The following HNF1A variants were observed in gnomAD, a reference collection of about 807,000 sequenced individuals.
HNF1A encodes the protein HNF1 homeobox A.
Under a neutral mutation model 62.2 loss-of-function variants are expected in HNF1A, and 21 were observed. That is an observed-to-expected ratio of 0.34 (90% CI 0.24 to 0.49). The LOEUF is 0.49. HNF1A is among the 20% of genes least tolerant of loss of function. HNF1A has a pLI of 0.99. For missense variants in HNF1A, 687 were observed against 832.3 expected (o/e 0.83, Z 2.15); for synonymous variants, 374 against 366.8 (o/e 1.02, Z -0.22).
intron 1 of HNF1A, among the ~76,000 whole-genome samples, chr12:120,980,101 T>C (rs1167697622): frequency 3.3e-5 from 5 of 152,192 alleles, no homozygotes; most frequent in African/African-American, 1.2e-4. Flanking sequence ...TTCACAGGAA[T>C]AATTTCCCTT....
chr12:120,986,166 G>A (rs774065080), intron 1 of HNF1A, among the ~76,000 whole-genome samples: 5 of 152,158 alleles, frequency 3.3e-5, no homozygotes, highest in African/African-American at 7.2e-5. Context: ...TATTTTACAC[G>A]TGCACAAATA....
At chr12:120,990,038 C>T (rs2135834128) in intron 2 of HNF1A, among the ~76,000 whole-genome samples, 2 of 152,320 alleles carry the variant, frequency 1.3e-5, no homozygotes, top group South Asian at 4.1e-4. Context: ...CTCCAGGCCT[C>T]ATACCCCACC....
chr12:120,990,652 G>GGAGGAAAGGGAGGAAAGA (rs1471922681), intron 2 of HNF1A, among the ~76,000 whole-genome samples: 4 of 96,520 alleles, frequency 4.1e-5, no homozygotes, highest in South Asian at 3.2e-4. Context: ...GGGAGGAAAG[G>GGAGGAAAGGGAGGAAAGA]TAGGAAAGGG....
intron 1 of HNF1A, among the ~76,000 whole-genome samples, chr12:120,985,029 C>G (rs556944860): frequency 6.6e-6 from 1 of 151,692 alleles, no homozygotes; most frequent in Non-Finnish European, 1.5e-5. Context: ...CATTGCAGCC[C>G]CGACCTCTCG....
intron 7 of HNF1A, 136 bp from the exon 8 acceptor site, chr12:120,999,132 T>C: frequency 9.4e-7 from 1 of 1,062,988 alleles, no homozygotes; most frequent in Non-Finnish European, 1.4e-6. Context: ...GTTTTGAAAA[T>C]CAGCCCTGGA....
At chr12:120,985,553 T>G (rs1876467634) in intron 1 of HNF1A, among the ~76,000 whole-genome samples, 1 of 150,868 alleles carries the variant, frequency 6.6e-6, no homozygotes, top group Non-Finnish European at 1.5e-5. Context: ...GTGCCTGTGG[T>G]CCCAAGTACT....
At chr12:120,989,450 G>C (rs1013703900) in intron 2 of HNF1A, among the ~76,000 whole-genome samples, 1 of 152,014 alleles carries the variant, frequency 6.6e-6, no homozygotes, top group African/African-American at 2.4e-5. Context: ...GTAGAGACGG[G>C]GGTTTCACCA....
Position 120,996,843 on chromosome 12 carries a change from T to TTC in HNF1A, c.1309+101_1309+102insTC. 6.4e-7 allele frequency: 1 copy of TTC among 1,556,656 alleles called. No homozygotes were observed. Among genetic ancestry groups the TTC allele is most frequent in the Non-Finnish European group, 8.7e-7 (1 of 1,150,386 alleles). ...CCACTGGGACTCATTCATTCATTCA[T>TTC]ACAACATGTATTTATCCAGTGCCTA... On this transcript the variant is annotated intron_variant, in intron 6 of 9. Coordinates refer to ENST00000257555, the MANE Select transcript of HNF1A (RefSeq NM_000545.8). The surrounding 1 kb of genome is among the most constrained non-coding windows in gnomAD (Gnocchi z 4.5).
chr12:120,994,320 C>T lies in HNF1A; in HGVS notation c.870C>T (p.Pro290=), dbSNP rs779008957. ...KLAMDTYSGP[P]PGPGPGPALP... is the part of the protein sequence containing the mutation. ...CCATGGACACGTACAGCGGGCCCCCCCCAGGGCCAGGCCCGGGACCTGCGC... is the reference window on the plus strand; with the variant it reads ...CCATGGACACGTACAGCGGGCCCCCTCCAGGGCCAGGCCCGGGACCTGCGC... Residue 290 remains proline (P), a synonymous_variant, in exon 4 of 10, where the codon CCC becomes CCT. Coordinates refer to ENST00000257555, the MANE Select transcript of HNF1A (RefSeq NM_000545.8). 17 of 1,610,226 alleles carry T rather than the reference C, an allele frequency of 1.1e-5. No homozygotes were observed. Among genetic ancestry groups the T allele is most frequent in the South Asian group, 2.2e-5 (2 of 90,512 alleles).
rs1350337779 is a variant in HNF1A, at chr12:120,993,381, G to A, written c.527-139G>A. 3.8e-6 allele frequency: 3 copies of A among 798,726 alleles called. No individual in the cohort carries two copies. The African/African-American group carries it at 5.1e-5, about 14-fold the overall frequency. 49.5% of individuals were successfully genotyped at this position (798,726 alleles called of 1,614,324 possible). A position where few individuals can be genotyped will look rare whatever the true frequency, so the allele number is the denominator to read the frequency against. On this transcript the variant is annotated intron_variant, in intron 2 of 9. Coordinates refer to ENST00000257555, the MANE Select transcript of HNF1A (RefSeq NM_000545.8). ...CTGTGTGTTTGTCATCAGTAGATTA[G>A]ATGATTTCTAAGTTCTAGCTGTAAG...
intron 9 of HNF1A, 145 bp downstream of exon 9, chr12:120,999,772 G>A: frequency 6.2e-6 from 7 of 1,126,790 alleles, no homozygotes; most frequent in Non-Finnish European, 8.6e-6. Context: ...CAGGCGTGGA[G>A]GGGTGGGGTG....
rs370733825 is a variant in HNF1A at position 120,999,599 on chromosome 12, G to A, written c.1740G>A (p.Pro580=). 132 of 1,611,626 alleles carry A rather than the reference G, an allele frequency of 8.2e-5. No individual in the cohort carries two copies. The highest frequency in any genetic ancestry group is 9.8e-5 in the Non-Finnish European group (116 of 1,179,568). Residue 580 remains proline (P), a synonymous_variant, in exon 9 of 10, where the codon CCG becomes CCA. Coordinates refer to ENST00000257555, the MANE Select transcript of HNF1A (RefSeq NM_000545.8). ...QDPASIQHLQ[P]AHRLSASPTV... Reference sequence around the variant, plus strand: ...CTGCCAGCATCCAGCACCTGCAGCCGGCCCACCGGCTCAGCGCCAGCCCCA... The same window carrying A: ...CTGCCAGCATCCAGCACCTGCAGCCAGCCCACCGGCTCAGCGCCAGCCCCA...
chr12:120,989,117 A>C (rs573837072), intron 2 of HNF1A, 85 bp downstream of exon 2: 1 of 1,280,770 alleles, frequency 7.8e-7, no homozygotes, highest in Non-Finnish European at 1.1e-6. Flanking sequence ...AAGCTTCACC[A>C]TCCCCATTAC....
At chr12:120,989,823 A>C (rs1366803838) in intron 2 of HNF1A, among the ~76,000 whole-genome samples, 3 of 152,152 alleles carry the variant, frequency 2.0e-5, no homozygotes, top group African/African-American at 4.8e-5. Flanking sequence ...TCACATTGCA[A>C]ATATGACCTT....
chr12:121,001,771 T>A lies in HNF1A; in HGVS notation c.*579T>A, dbSNP rs560381028. ...ACAGGCATTTCCTGGGTGGCTACTC[T>A]GTGCCAGAGCCTGGGGCTCTAACGC... On this transcript the variant is annotated 3_prime_UTR_variant, in exon 10 of 10. Transcript: ENST00000257555. 3.4e-5 allele frequency: 18 copies of A among 535,882 alleles called. No individual in the cohort carries two copies. The East Asian group carries it at 3.5e-4, about 10-fold the overall frequency. The allele number at this position is 535,882 out of a possible 1,614,324, so 33.2% of individuals were successfully genotyped here. A position where few individuals can be genotyped will look rare whatever the true frequency, so the allele number is the denominator to read the frequency against.
At position 120,996,068 on chromosome 12, in the gene HNF1A, A is replaced by G. The variant is rs1345015203; in HGVS notation, c.956-194A>G. Among the ~76,000 whole-genome samples the G allele has an allele frequency of 6.6e-6, 1 of 152,232 alleles. No individual in the cohort carries two copies. Among genetic ancestry groups the G allele is most frequent in the Non-Finnish European group, 1.5e-5 (1 of 68,034 alleles). ...GAATGGAGCTAATAAATGCAGTCCC[A>G]GCCTTCAAGGAACTGGGAGCAGCTG... On this transcript the variant is annotated intron_variant, in intron 4 of 9. Transcript: ENST00000257555. The surrounding 1 kb of genome is among the most constrained non-coding windows in gnomAD (Gnocchi z 4.5).
chr12:120,997,525 G>A lies in HNF1A; in HGVS notation c.1361G>A (p.Ser454Asn), dbSNP rs2135847557. ...QSVPVINSMG[S>N]SLTTLQPVQF... Reference sequence around the variant, plus strand: ...GTGCCGGTCATCAACAGCATGGGCAGCAGCCTGACCACCCTGCAGCCCGTC... The same window carrying A: ...GTGCCGGTCATCAACAGCATGGGCAACAGCCTGACCACCCTGCAGCCCGTC... The change falls in exon 7 of 10, where the codon AGC becomes AAC. Residue 454 changes from serine (S) to asparagine (N), a missense_variant. Physicochemically the swap from Ser to Asn is conservative, Grantham distance 46 (BLOSUM62 1). Coordinates refer to ENST00000257555, the MANE Select transcript of HNF1A (RefSeq NM_000545.8). 6.2e-7 allele frequency: 1 copy of A among 1,613,328 alleles called. No individual in the cohort carries two copies. The highest frequency in any genetic ancestry group is 1.1e-5 in the South Asian group (1 of 91,050).
rs1227329336 is a variant in HNF1A, at chr12:121,000,115, C to T, written c.1768+488C>T. On this transcript the variant is annotated intron_variant, in intron 9 of 9. Coordinates refer to ENST00000257555, the MANE Select transcript of HNF1A (RefSeq NM_000545.8). ...CAGGCCTCACTGCATCCACTCACAT[C>T]GGCTCCAATGACCCCTGGCGGTGGG... Among the ~76,000 whole-genome samples, 4 of 152,222 alleles carry T rather than the reference C, an allele frequency of 2.6e-5. No individual in the cohort carries two copies. The South Asian group carries it at 6.2e-4, about 24-fold the overall frequency.
chr12:120,996,240 A>G lies in HNF1A; in HGVS notation c.956-22A>G. On this transcript the variant is annotated intron_variant, in intron 4 of 9. Coordinates refer to ENST00000257555, the MANE Select transcript of HNF1A (RefSeq NM_000545.8). The surrounding 1 kb of genome is among the most constrained non-coding windows in gnomAD (Gnocchi z 4.5). Reference sequence around the variant, plus strand: ...GGGCAGGGAAGTGGGGTGCTGAGGCAGGACACTGCTTCCCTCTCCAGGTGT... The same window carrying G: ...GGGCAGGGAAGTGGGGTGCTGAGGCGGGACACTGCTTCCCTCTCCAGGTGT... 1.2e-6 allele frequency: 2 copies of G among 1,613,544 alleles called. No homozygotes were observed. Among genetic ancestry groups the G allele is most frequent in the Non-Finnish European group, 1.7e-6 (2 of 1,179,970 alleles).
Sources: allele counts gnomAD v4.1 joint callset (sites outside exome capture counted in the v4.1 genomes callset), GRCh38; gene constraint gnomAD v4.1.1; non-coding constraint Gnocchi (gnomAD v3.1); transcripts MANE v1.5; gene names NCBI Gene and HGNC (gene_info 2026-07-23, HGNC 2026-07-21).